RANBP3: variants seen among roughly 807,000 people sequenced by gnomAD.
The protein encoded by RANBP3 is RAN binding protein 3, also known as ran-binding protein 3.
A neutral mutation model predicts 77.3 loss-of-function variants in RANBP3; 14 were observed. The ratio of observed to expected loss-of-function variants is 0.18; its 90% CI spans 0.12 to 0.28. RANBP3 has a LOEUF of 0.28. Ranked by LOEUF, RANBP3 falls within the 10% of genes least tolerant of loss-of-function variation. The probability of loss-of-function intolerance (pLI) is 1.00; values close to 1 mark genes in which losing one functional copy is unlikely to be tolerated. For missense variants in RANBP3, 586 were observed against 752.3 expected, an observed-to-expected ratio of 0.78 and a Z score of 2.59; for synonymous variants, 315 against 312.4, an observed-to-expected ratio of 1.01 and a Z score of -0.09.
intron 1 of RANBP3, among the ~76,000 whole-genome samples, chr19:5,972,554 G>A (rs1054389454): frequency 1.3e-5 from 2 of 152,184 alleles, no homozygotes; most frequent in Non-Finnish European, 2.9e-5. Context: ...AAAGTACCAT[G>A]GAGAGCTACC....
chr19:5,919,136 G>T (rs994499432), intron 14 of RANBP3, among the ~76,000 whole-genome samples: 14 of 152,256 alleles, frequency 9.2e-5, no homozygotes, highest in African/African-American at 3.4e-4. Flanking sequence ...CCTGCCCTCT[G>T]GTTTCCTTAG....
chr19:5,932,780 G>T, intron 6 of RANBP3: 1 of 543,084 alleles, frequency 1.8e-6, no homozygotes, highest in South Asian at 2.2e-5. Context: ...AATTAATCCA[G>T]TTAGCACAGT....
In RANBP3 at chr19:5,978,078, G is replaced by T; in HGVS notation, c.5C>A (p.Ala2Glu). Residue 2 changes from alanine (A) to glutamate (E), a missense_variant, in exon 1 of 17, where the codon GCG (alanine) becomes GAG (glutamate). Coordinates refer to ENST00000340578, the MANE Select transcript of RANBP3 (RefSeq NM_007322.3). ...TCCCCTACCTTCGTTCGCCAGGTCC[G>T]CCATTTTACTTCCTTAAGCCCTCCC... M[A>E]DLANEEKPAI... is the part of the protein sequence containing the mutation. 1 of 1,610,618 alleles carries T rather than the reference G, an allele frequency of 6.2e-7. No individual in the cohort carries two copies. Among genetic ancestry groups the T allele is most frequent in the South Asian group, 1.1e-5 (1 of 90,478 alleles).
intron 9 of RANBP3, 45 bp downstream of exon 9, chr19:5,927,923 G>C: frequency 6.4e-7 from 1 of 1,571,394 alleles, no homozygotes; most frequent in Middle Eastern, 1.7e-4. Context: ...GTTGAACCTG[G>C]GGAAGGCATA....
chr19:5,939,623 A>G lies in RANBP3; in HGVS notation c.406+1998T>C, dbSNP rs571914998. Among the ~76,000 whole-genome samples, 3 of 152,268 alleles carry G rather than the reference A, an allele frequency of 2.0e-5. No individual in the cohort carries two copies. The East Asian group carries it at 5.8e-4, about 29-fold the overall frequency. On this transcript the variant is annotated intron_variant, in intron 5 of 16. Coordinates refer to ENST00000340578, the MANE Select transcript of RANBP3 (RefSeq NM_007322.3). Reference sequence around the variant, plus strand: ...TGCAGGCGGGGGAGGGAACAAGAGGAAAAACAGCATGAATGGGTGGGGTGG... The same window carrying G: ...TGCAGGCGGGGGAGGGAACAAGAGGGAAAACAGCATGAATGGGTGGGGTGG...
intron 1 of RANBP3, among the ~76,000 whole-genome samples, chr19:5,965,091 A>G (rs1015318903): frequency 2.0e-5 from 3 of 151,938 alleles, no homozygotes; most frequent in Non-Finnish European, 4.4e-5. Flanking sequence ...TCCTGACCCT[A>G]GAGGAACTGT....
chr19:5,957,955 G>A lies in RANBP3; in HGVS notation c.41C>T (p.Pro14Leu). The change falls in exon 2 of 17, where the codon CCG becomes CTG. Residue 14 changes from proline (P) to leucine (L), a missense_variant. This residue lies in a region of RANBP3 where 172 missense variants were observed against 183.4 expected (regional missense o/e 0.94). Coordinates refer to ENST00000340578, the MANE Select transcript of RANBP3 (RefSeq NM_007322.3). ...LANEEKPAIA[P>L]PVFVFQKDKG... ...ATCCTTCTGAAACACAAAGACGGGC[G>A]GAGCAATGGCAGGCTTTTCTGCAAA... 2 of 1,614,152 alleles carry A rather than the reference G, an allele frequency of 1.2e-6. No homozygotes were observed. Among genetic ancestry groups the A allele is most frequent in the South Asian group, 1.1e-5 (1 of 91,080 alleles).
At chr19:5,974,613 T>C (rs569472082) in intron 1 of RANBP3, among the ~76,000 whole-genome samples, 1 of 152,192 alleles carries the variant, frequency 6.6e-6, no homozygotes, top group South Asian at 2.1e-4. Flanking sequence ...TCACCATCCA[T>C]GAGGCGTTCA....
chr19:5,923,129 C>T lies in RANBP3; in HGVS notation c.1209+65G>A, dbSNP rs2057848058. On this transcript the variant is annotated intron_variant, in intron 13 of 16. Coordinates refer to ENST00000340578, the MANE Select transcript of RANBP3 (RefSeq NM_007322.3). ...TGTGCTCAGAGGATGTGGGCCCAGC[C>T]CTTGCGGTTGGACCCCCAGGTGCAT... The T allele has an allele frequency of 4.6e-6, 6 of 1,310,954 alleles. No individual in the cohort carries two copies. The African/African-American group carries it at 1.0e-4, about 23-fold the overall frequency. 81.2% of individuals were successfully genotyped at this position (1,310,954 alleles called of 1,614,324 possible).
At chr19:5,954,719 G>A (rs2058315528) in intron 2 of RANBP3, among the ~76,000 whole-genome samples, 3 of 152,198 alleles carry the variant, frequency 2.0e-5, no homozygotes, top group Admixed American at 2.0e-4. Flanking sequence ...GACAGGGATG[G>A]GTTGATGGCC....
intron 2 of RANBP3, among the ~76,000 whole-genome samples, chr19:5,953,644 A>G (rs949246455): frequency 6.6e-6 from 1 of 152,256 alleles, no homozygotes; most frequent in Non-Finnish European, 1.5e-5. Context: ...AACAGCCTAC[A>G]TAAGGATATT....
At chr19:5,966,936 C>A (rs1599796241) in intron 1 of RANBP3, among the ~76,000 whole-genome samples, 1 of 152,366 alleles carries the variant, frequency 6.6e-6, no homozygotes, top group African/African-American at 2.4e-5. Context: ...ACACAAATAA[C>A]AGTCTATTAA....
intron 8 of RANBP3, among the ~76,000 whole-genome samples, chr19:5,930,770 T>G (rs1184351723): frequency 1.3e-5 from 2 of 152,176 alleles, no homozygotes; most frequent in Non-Finnish European, 2.9e-5. Context: ...AGTCTTGCTA[T>G]GTTGCCCAGG....
Position 5,978,052 on chromosome 19 carries a change from C to T in RANBP3, c.22+9G>A, listed in dbSNP as rs1325802775. Reference sequence around the variant, plus strand: ...GCCGCCAGCCGGTCCCCAACGGCGCCTCCCCTACCTTCGTTCGCCAGGTCC... The same window carrying T: ...GCCGCCAGCCGGTCCCCAACGGCGCTTCCCCTACCTTCGTTCGCCAGGTCC... On this transcript the variant is annotated intron_variant, in intron 1 of 16. Transcript: ENST00000340578. 3 of 1,610,270 alleles carry T rather than the reference C, an allele frequency of 1.9e-6. No homozygotes were observed. Among genetic ancestry groups the T allele is most frequent in the Non-Finnish European group, 1.7e-6 (2 of 1,178,546 alleles).
In RANBP3 at chr19:5,921,003, G is replaced by A; in HGVS notation, c.1330+198C>T. 2 of 469,632 alleles carry A rather than the reference G, an allele frequency of 4.3e-6. No individual in the cohort carries two copies. Among genetic ancestry groups the A allele is most frequent in the Admixed American group, 4.2e-5 (1 of 23,614 alleles). 29.1% of individuals were successfully genotyped at this position (469,632 alleles called of 1,614,324 possible). On this transcript the variant is annotated intron_variant, in intron 14 of 16. Coordinates refer to ENST00000340578, the MANE Select transcript of RANBP3 (RefSeq NM_007322.3). The surrounding 1 kb of genome is among the most constrained non-coding windows in gnomAD (Gnocchi z 5.3). Reference sequence around the variant, plus strand: ...GGTCACGGACGAGCTGGCAGCTGGAGCCAGTGTGTGAGGGTGGTGTTGAGG... The same window carrying A: ...GGTCACGGACGAGCTGGCAGCTGGAACCAGTGTGTGAGGGTGGTGTTGAGG...
At chr19:5,923,144 C>A (rs761066244) in intron 13 of RANBP3, 50 bp downstream of exon 13, 3 of 1,507,010 alleles carry the variant, frequency 2.0e-6, no homozygotes, top group African/African-American at 1.4e-5. Flanking sequence ...CGGTTGGACC[C>A]CCAGGTGCAT....
chr19:5,970,263 C>A (rs558441912), intron 1 of RANBP3, among the ~76,000 whole-genome samples: 23 of 152,254 alleles, frequency 1.5e-4, no homozygotes, highest in Admixed American at 4.6e-4. Context: ...TCACATTATA[C>A]ACCAAAATAA....
At chr19:5,972,595 T>C (rs1341975975) in intron 1 of RANBP3, among the ~76,000 whole-genome samples, 1 of 152,224 alleles carries the variant, frequency 6.6e-6, no homozygotes, top group African/African-American at 2.4e-5. Context: ...ACCAGCCATC[T>C]CGGCAGTTTT....
intron 9 of RANBP3, among the ~76,000 whole-genome samples, chr19:5,926,870 C>T (rs1281273562): frequency 2.0e-5 from 3 of 152,138 alleles, no homozygotes; most frequent in Non-Finnish European, 4.4e-5. Flanking sequence ...CGGTGAGTAA[C>T]AGAAAGGAAA....
Sources: gnomAD v4.1 joint callset for allele counts (sites outside exome capture counted in the v4.1 genomes callset) on GRCh38, gnomAD v4.1.1 for gene constraint, gnomAD v4.1.1 regional missense constraint, Gnocchi (gnomAD v3.1) non-coding constraint, MANE v1.5 for transcripts, NCBI Gene and HGNC (gene_info 2026-07-23, HGNC 2026-07-21) for gene names.